MAGI1: variants seen among roughly 807,000 people sequenced by gnomAD.
MAGI1 encodes the protein membrane-associated guanylate kinase, WW and PDZ domain-containing protein 1.
In MAGI1, 58 loss-of-function variants were observed where a neutral mutation model predicts 139.9. That is an observed-to-expected ratio of 0.41 (90% CI 0.34 to 0.52). The LOEUF (loss-of-function observed/expected upper bound fraction) is 0.52, where lower values mean the gene tolerates loss of function less well. Among genes scored for constraint, MAGI1 ranks in the 20% least tolerant of loss-of-function variants. MAGI1 has a pLI of 0.12. For missense variants in MAGI1, 1,874 were observed against 1,901.6 expected (o/e 0.99, Z 0.27); for synonymous variants, 812 against 737.9 (o/e 1.10, Z -1.63).
At chr3:66,023,498 T>G (rs578156233) in intron 1 of MAGI1, among the ~76,000 whole-genome samples, 1 of 152,310 alleles carries the variant, frequency 6.6e-6, no homozygotes, top group African/African-American at 2.4e-5. Context: ...CAATCCATTA[T>G]GCAGGCAGGA....
intron 1 of MAGI1, among the ~76,000 whole-genome samples, chr3:66,013,416 A>T (rs989126343): frequency 3.4e-5 from 5 of 147,922 alleles, no homozygotes; most frequent in African/African-American, 1.3e-4. Flanking sequence ...TAAAAAAAAA[A>T]AAAGAAAAAA....
At chr3:65,670,635 G>A (rs1163531868) in intron 1 of MAGI1, among the ~76,000 whole-genome samples, 2 of 152,088 alleles carry the variant, frequency 1.3e-5, no homozygotes, top group Non-Finnish European at 2.9e-5. Flanking sequence ...CAAAGCTAAT[G>A]AACCACATAG....
At chr3:65,508,413 T>A (rs561732838) in intron 2 of MAGI1, among the ~76,000 whole-genome samples, 18 of 151,750 alleles carry the variant, frequency 1.2e-4, no homozygotes, top group East Asian at 5.8e-4. Flanking sequence ...CAAAAAAAAA[T>A]AAAAATAAAA....
At chr3:65,630,721 G>C (rs1348106346) in intron 1 of MAGI1, among the ~76,000 whole-genome samples, 1 of 152,184 alleles carries the variant, frequency 6.6e-6, no homozygotes, top group Non-Finnish European at 1.5e-5. Context: ...GGGAGATTGA[G>C]AGGTGGGTGA....
chr3:65,836,841 C>T (rs1241265886), intron 1 of MAGI1, among the ~76,000 whole-genome samples: 2 of 152,040 alleles, frequency 1.3e-5, no homozygotes, highest in East Asian at 1.9e-4. Flanking sequence ...AGAGAAAGAG[C>T]GAGCTGTGCT....
intron 2 of MAGI1, among the ~76,000 whole-genome samples, chr3:65,596,742 GT>G (rs1461811788): frequency 6.6e-6 from 1 of 152,134 alleles, no homozygotes; most frequent in Non-Finnish European, 1.5e-5. Flanking sequence ...AGCCTTCCGG[GT>G]TTGGCCCATT....
rs2083882035 is a variant in MAGI1, at chr3:65,624,885, T to G, written c.314-2797A>C. On this transcript the variant is annotated intron_variant, in intron 1 of 22. Transcript: ENST00000402939. ...AGGAGATGCCAATATAATATTTTCT[T>G]TTTTTAAGATGGAGTCTCATTCTGT... Among the ~76,000 whole-genome samples, 6 of 152,192 alleles carry G rather than the reference T, an allele frequency of 3.9e-5. No homozygotes were observed. The South Asian group carries it at 1.0e-3, about 26-fold the overall frequency.
intron 1 of MAGI1, among the ~76,000 whole-genome samples, chr3:66,018,513 G>A (rs549503345): frequency 6.6e-6 from 1 of 152,246 alleles, no homozygotes; most frequent in South Asian, 2.1e-4. Flanking sequence ...TTAAGCAAGT[G>A]ATCAAGGTCA....
chr3:65,767,335 T>C lies in MAGI1; in HGVS notation c.314-145247A>G, dbSNP rs540636134. Among the ~76,000 whole-genome samples the C allele has an allele frequency of 8.7e-4, 132 of 152,208 alleles. 2 individuals carry two copies. The South Asian group carries it at 0.024, about 27-fold the overall frequency. ...TAATAAAGACTTTAGGCCAGGGCAGTGGCTCATGCCTGTAATCCCAGCACT... is the reference window on the plus strand; with the variant it reads ...TAATAAAGACTTTAGGCCAGGGCAGCGGCTCATGCCTGTAATCCCAGCACT... On this transcript the variant is annotated intron_variant, in intron 1 of 22. Transcript: ENST00000402939.
intron 1 of MAGI1, among the ~76,000 whole-genome samples, chr3:65,886,155 G>A (rs115127068): frequency 3.2e-4 from 49 of 152,158 alleles, no homozygotes; most frequent in African/African-American, 8.2e-4. Context: ...CTTATATTCC[G>A]TATCTCCCTA....
At chr3:65,732,249 A>C (rs2034268042) in intron 1 of MAGI1, among the ~76,000 whole-genome samples, 1 of 152,212 alleles carries the variant, frequency 6.6e-6, no homozygotes, top group Non-Finnish European at 1.5e-5. Context: ...ACTTAGGTAA[A>C]ACACACAGAC....
At chr3:65,499,990 G>T (rs867007330) in intron 2 of MAGI1, among the ~76,000 whole-genome samples, 1 of 151,870 alleles carries the variant, frequency 6.6e-6, no homozygotes, top group Non-Finnish European at 1.5e-5. Context: ...CTGATTCTTG[G>T]ATATTTTATT....
At chr3:65,727,123 G>C (rs1033298420) in intron 1 of MAGI1, among the ~76,000 whole-genome samples, 2 of 152,128 alleles carry the variant, frequency 1.3e-5, no homozygotes, top group Non-Finnish European at 2.9e-5. Context: ...AGGAAGTAGT[G>C]AGACAAAGTA....
intron 17 of MAGI1, 68 bp from the exon 18 acceptor site, chr3:65,376,013 G>A: frequency 8.6e-7 from 1 of 1,158,132 alleles, no homozygotes. Context: ...AGAGAAAAAG[G>A]GTTGAAAAGG....
chr3:65,490,132 T>C (rs1405343661), intron 3 of MAGI1, among the ~76,000 whole-genome samples: 7 of 152,174 alleles, frequency 4.6e-5, no homozygotes, highest in Non-Finnish European at 1.0e-4. Context: ...TGCGTGTAAA[T>C]ACAAAAGCTA....
At chr3:65,549,683 GGCC>G in intron 2 of MAGI1, among the ~76,000 whole-genome samples, 1 of 152,196 alleles carries the variant, frequency 6.6e-6, no homozygotes, top group Admixed American at 6.5e-5. Flanking sequence ...CCATCCTCAG[GGCC>G]TTGGACGGGG....
intron 1 of MAGI1, among the ~76,000 whole-genome samples, chr3:65,988,608 A>G (rs539491257): frequency 6.6e-6 from 1 of 152,310 alleles, no homozygotes; most frequent in South Asian, 2.1e-4. Context: ...TAGAAACCAT[A>G]ATCAGATCAG....
intron 5 of MAGI1, among the ~76,000 whole-genome samples, chr3:65,463,910 G>C (rs974441793): frequency 3.3e-5 from 5 of 152,094 alleles, no homozygotes; most frequent in Non-Finnish European, 7.4e-5. Flanking sequence ...TAGTTTATTT[G>C]CATAGAGGTA....
At chr3:65,730,647 G>C (rs2034090134) in intron 1 of MAGI1, among the ~76,000 whole-genome samples, 1 of 152,192 alleles carries the variant, frequency 6.6e-6, no homozygotes, top group African/African-American at 2.4e-5. Context: ...TAATTGTGCT[G>C]ACTAGACACA....
Sources: allele counts gnomAD v4.1 joint callset (sites outside exome capture counted in the v4.1 genomes callset), GRCh38; gene constraint gnomAD v4.1.1; transcripts MANE v1.5; gene names NCBI Gene and HGNC (gene_info 2026-07-23, HGNC 2026-07-21).